Variants in SBF2 observed in about 807,000 individuals in gnomAD.
The protein encoded by SBF2 is myotubularin-related protein 13.
SBF2 carries 112 observed loss-of-function variants against 225.2 expected under a neutral mutation model. That is an observed-to-expected ratio of 0.50 (90% CI 0.43 to 0.58). SBF2 has a LOEUF of 0.58. Ranked by LOEUF, SBF2 falls within the 20% of genes least tolerant of loss-of-function variation. The pLI, the probability that SBF2 is intolerant of heterozygous loss-of-function variation, is 0.00. For synonymous variants in SBF2, 763 were observed against 773.3 expected (o/e 0.99, Z 0.22); for missense variants, 1,996 against 2,206.2 (o/e 0.90, Z 1.91).
At chr11:10,152,819 C>A (rs1411177149) in intron 2 of SBF2, among the ~76,000 whole-genome samples, 1 of 152,046 alleles carries the variant, frequency 6.6e-6, no homozygotes, top group Non-Finnish European at 1.5e-5. Flanking sequence ...CAGAATCAAC[C>A]ATGGGTATTA....
intron 1 of SBF2, among the ~76,000 whole-genome samples, chr11:10,291,060 A>C (rs1484659276): frequency 1.3e-5 from 2 of 152,256 alleles, no homozygotes; most frequent in South Asian, 4.1e-4. Flanking sequence ...GGGATGTACC[A>C]TAAGAACACA....
rs549999123 is a variant in SBF2 at position 9,870,565 on chromosome 11, T to C, written c.1930-12169A>G. On this transcript the variant is annotated intron_variant, in intron 17 of 39. Transcript: ENST00000256190. ...AAATAAGACCACACACCTACAACCATCTGATCGTTGACAAACCTGACAGAA... is the reference window on the plus strand; with the variant it reads ...AAATAAGACCACACACCTACAACCACCTGATCGTTGACAAACCTGACAGAA... 1.4e-3 allele frequency among the ~76,000 whole-genome samples: 215 copies of C among 152,278 alleles called. 1 individual carries two copies. Among genetic ancestry groups the C allele is most frequent in the African/African-American group, 4.9e-3 (203 of 41,574 alleles).
At chr11:10,265,533 C>T (rs1961904580) in intron 1 of SBF2, among the ~76,000 whole-genome samples, 1 of 148,610 alleles carries the variant, frequency 6.7e-6, no homozygotes, top group Non-Finnish European at 1.5e-5. Context: ...CACAGGGTAT[C>T]TTTTTAAAAT....
chr11:10,302,199 AT>A (rs897274445), intron 1 of SBF2, among the ~76,000 whole-genome samples: 17 of 151,742 alleles, frequency 1.1e-4, no homozygotes, highest in East Asian at 7.7e-4. Flanking sequence ...CATTCTAGTG[AT>A]TTTTTTTTGT....
At chr11:9,896,879 C>T (rs1000459290) in intron 16 of SBF2, among the ~76,000 whole-genome samples, 2 of 151,826 alleles carry the variant, frequency 1.3e-5, no homozygotes, top group East Asian at 3.9e-4. Flanking sequence ...GAGTGAAATG[C>T]TGATGAATAG....
chr11:10,096,577 C>T (rs1331645320), intron 2 of SBF2, among the ~76,000 whole-genome samples: 8 of 151,974 alleles, frequency 5.3e-5, no homozygotes, highest in Non-Finnish European at 8.8e-5. Flanking sequence ...TTAAAAAAGC[C>T]TTACGAGACT....
chr11:10,118,256 T>C (rs929325172), intron 2 of SBF2, among the ~76,000 whole-genome samples: 1 of 152,232 alleles, frequency 6.6e-6, no homozygotes, highest in African/African-American at 2.4e-5. Context: ...TTCCTATTTG[T>C]ACATTTTTAA....
intron 2 of SBF2, among the ~76,000 whole-genome samples, chr11:10,154,733 T>G (rs1236134041): frequency 6.6e-6 from 1 of 152,196 alleles, no homozygotes; most frequent in African/African-American, 2.4e-5. Context: ...AGATTCTCAA[T>G]GGTGCTACCT....
At position 9,967,981 on chromosome 11, in the gene SBF2, A is replaced by C. The variant is rs1374476774; in HGVS notation, c.1600+360T>G. On this transcript the variant is annotated intron_variant, in intron 14 of 39. Coordinates refer to ENST00000256190, the MANE Select transcript of SBF2 (RefSeq NM_030962.4). The stretch of plus-strand genomic sequence containing the variant: ...TCTCTCTCTCTCTCTCTATATATAT[A>C]TATATATATAAAATATATATATATT... Among the ~76,000 whole-genome samples the C allele has an allele frequency of 1.0e-3, 135 of 134,084 alleles. 1 individual carries two copies. Among genetic ancestry groups the C allele is most frequent in the African/African-American group, 3.7e-3 (127 of 34,400 alleles). The allele number at this position is 134,084 out of a possible 152,430, so 88.0% of individuals were successfully genotyped here. A position where few individuals can be genotyped will look rare whatever the true frequency, so the allele number is the denominator to read the frequency against.
Position 10,042,776 on chromosome 11 carries a change from T to C in SBF2, c.279+68A>G, listed in dbSNP as rs1590821867. 7.8e-6 allele frequency: 12 copies of C among 1,536,594 alleles called. No homozygotes were observed. In the Admixed American group the frequency reaches 2.0e-4, roughly 26 times the overall value. ...CAAACTTGCAGTTGTAACAAAAATA[T>C]GGCATATAAAAAACATTCCTAAATG... is the stretch of plus-strand genomic sequence containing the variant. On this transcript the variant is annotated intron_variant, in intron 3 of 39. Transcript: ENST00000256190.
At chr11:10,186,036 G>T (rs533224525) in intron 2 of SBF2, among the ~76,000 whole-genome samples, 94 of 152,240 alleles carry the variant, frequency 6.2e-4, no homozygotes, top group Middle Eastern at 3.4e-3. Flanking sequence ...CTGAAATTAG[G>T]CATGAACGAG....
rs111912086 is a variant in SBF2, at chr11:9,809,947, G to A, written c.4156-945C>T. Among the ~76,000 whole-genome samples the A allele has an allele frequency of 2.5e-3, 387 of 152,226 alleles. 5 individuals are homozygous for A. The highest frequency in any genetic ancestry group is 8.7e-3 in the African/African-American group (360 of 41,526). ...GTTGAGTTGTGCACCTTTATCATAA[G>A]GATAAATTTTATGGTAAGTGAATTA... On this transcript the variant is annotated intron_variant, in intron 30 of 39. Transcript: ENST00000256190.
intron 14 of SBF2, among the ~76,000 whole-genome samples, chr11:9,966,459 A>C (rs12421200): frequency 0.2 from 30,313 of 152,254 alleles, 3,963 homozygotes; most frequent in Non-Finnish European, 0.3. Flanking sequence ...AATCCAACCT[A>C]ATTCACATTT....
At chr11:10,100,426 G>A (rs1215187609) in intron 2 of SBF2, among the ~76,000 whole-genome samples, 1 of 152,222 alleles carries the variant, frequency 6.6e-6, no homozygotes, top group African/African-American at 2.4e-5. Flanking sequence ...GGCCACAGTT[G>A]TCTTGGACTG....
At chr11:10,226,205 T>C (rs1418359406) in intron 1 of SBF2, among the ~76,000 whole-genome samples, 1 of 152,142 alleles carries the variant, frequency 6.6e-6, no homozygotes, top group African/African-American at 2.4e-5. Context: ...TTTATCTTTA[T>C]TAGCATAGAA....
chr11:10,030,913 C>T (rs1476196522), intron 4 of SBF2, 135 bp downstream of exon 4: 14 of 734,174 alleles, frequency 1.9e-5, no homozygotes, highest in Non-Finnish European at 2.9e-5. Flanking sequence ...TTCTTCTGTT[C>T]ATGCTAACTG....
At chr11:9,952,944 C>T (rs1294205957) in intron 16 of SBF2, among the ~76,000 whole-genome samples, 5 of 152,128 alleles carry the variant, frequency 3.3e-5, no homozygotes, top group Admixed American at 3.3e-4. Context: ...GAATGTAAAC[C>T]AGTACAACCA....
At chr11:10,062,101 A>G (rs1590865719) in intron 2 of SBF2, among the ~76,000 whole-genome samples, 2 of 152,138 alleles carry the variant, frequency 1.3e-5, no homozygotes, top group South Asian at 4.2e-4. Flanking sequence ...TGGAGAAAAG[A>G]CTCCCTAAAT....
intron 2 of SBF2, among the ~76,000 whole-genome samples, chr11:10,067,724 G>GTCTC (rs1383376706): frequency 6.6e-6 from 1 of 151,934 alleles, no homozygotes; most frequent in East Asian, 1.9e-4. Context: ...GGGAGACCCT[G>GTCTC]TCTCTATAAA....
Sources: allele counts gnomAD v4.1 joint callset (sites outside exome capture counted in the v4.1 genomes callset), GRCh38; gene constraint gnomAD v4.1.1; transcripts MANE v1.5; gene names NCBI Gene and HGNC (gene_info 2026-07-23, HGNC 2026-07-21).